SPEN: variants seen among roughly 807,000 people sequenced by gnomAD.
SPEN encodes spen family transcriptional repressor, also known as msx2-interacting protein.
Under a neutral mutation model 269.9 loss-of-function variants are expected in SPEN, and 18 were observed. The ratio of observed to expected loss-of-function variants is 0.07; its 90% CI spans 0.05 to 0.10. SPEN has a LOEUF of 0.10. SPEN is among the 10% of genes least tolerant of loss of function. SPEN has a pLI of 1.00. For missense variants in SPEN, 3,822 were observed against 4,631.2 expected, an observed-to-expected ratio of 0.83 and a Z score of 5.07; for synonymous variants, 1,726 against 1,765.7, an observed-to-expected ratio of 0.98 and a Z score of 0.56.
At chr1:15,938,980 T>C (rs2071308592) in intron 14 of SPEN, 104 bp downstream of exon 14, 1 of 1,432,508 alleles carries the variant, frequency 7.0e-7, no homozygotes, top group Non-Finnish European at 9.4e-7. Flanking sequence ...GCCCCAGAGG[T>C]GGGCAAAGGG....
chr1:15,905,378 C>T (rs1002408976), intron 3 of SPEN, among the ~76,000 whole-genome samples: 1 of 145,706 alleles, frequency 6.9e-6, no homozygotes, highest in Non-Finnish European at 1.5e-5. Flanking sequence ...TGAGCTGCCA[C>T]GCCCAGCTAA....
intron 3 of SPEN, among the ~76,000 whole-genome samples, chr1:15,891,806 A>T (rs1438550877): frequency 6.6e-6 from 1 of 151,924 alleles, no homozygotes. Flanking sequence ...AAAAACCATT[A>T]AGAAAAACTA....
rs2071306344 is a variant in SPEN at position 15,938,819 on chromosome 1, C to T, written c.10806C>T (p.Tyr3602=). ...TESLKAAFIT[Y]LQAKQAAGII... is the part of the protein sequence containing the mutation. ...CCCTCAAGGCTGCCTTCATCACTTA[C>T]CTGCAGGCCAAGCAGGCGGCAGGGA... is the stretch of plus-strand genomic sequence containing the variant. The change falls in exon 14 of 15, where the codon TAC becomes TAT. Residue 3602 remains tyrosine (Y), a synonymous_variant. Coordinates refer to ENST00000375759, the MANE Select transcript of SPEN (RefSeq NM_015001.3). The T allele has an allele frequency of 3.7e-6, 6 of 1,614,126 alleles. No individual in the cohort carries two copies. Among genetic ancestry groups the T allele is most frequent in the Middle Eastern group, 3.3e-4 (2 of 6,062 alleles).
At chr1:15,938,028 G>T in intron 13 of SPEN, 22 bp downstream of exon 13, 1 of 1,577,240 alleles carries the variant, frequency 6.3e-7, no homozygotes, top group South Asian at 1.2e-5. Context: ...AGGCCCAGGT[G>T]AGCAACTGCC....
chr1:15,920,722 G>A, intron 8 of SPEN, 148 bp from the exon 9 acceptor site: 1 of 367,732 alleles, frequency 2.7e-6, no homozygotes. Flanking sequence ...TCACTACAGT[G>A]TGCATCACAC....
At chr1:15,896,944 GA>G (rs1171957976) in intron 3 of SPEN, among the ~76,000 whole-genome samples, 1 of 152,138 alleles carries the variant, frequency 6.6e-6, no homozygotes, top group Non-Finnish European at 1.5e-5. Context: ...CTCCAGCCTG[GA>G]TGACAGAGCG....
chr1:15,896,720 AGTT>A (rs1418929435), intron 3 of SPEN, among the ~76,000 whole-genome samples: 1 of 152,192 alleles, frequency 6.6e-6, no homozygotes, highest in African/African-American at 2.4e-5. Flanking sequence ...AAGTGTTATT[AGTT>A]GTTTATATCA....
intron 4 of SPEN, 51 bp from the exon 5 acceptor site, chr1:15,911,050 G>A (rs1304252706): frequency 2.1e-6 from 3 of 1,455,330 alleles, no homozygotes; most frequent in Non-Finnish European, 2.8e-6. Flanking sequence ...TGCTTATTTA[G>A]TTATAATTAA....
At chr1:15,871,395 C>T (rs1569986356) in intron 1 of SPEN, among the ~76,000 whole-genome samples, 2 of 152,282 alleles carry the variant, frequency 1.3e-5, no homozygotes, top group East Asian at 3.9e-4. Flanking sequence ...GGCTGGAGTG[C>T]AGTGGCACGA....
chr1:15,937,228 G>T lies in SPEN; in HGVS notation c.10092G>T (p.Gln3364His), dbSNP rs998961195. The change falls in exon 12 of 15, where the codon CAG becomes CAT. Residue 3364 changes from glutamine to histidine, a missense_variant. Gln to His is a conservative substitution (Grantham distance 24). Transcript: ENST00000375759. The surrounding 1 kb of genome is among the most constrained non-coding windows in gnomAD (Gnocchi z 5.7). ...CTGTGCAGTCCACACAGCCTGCCCA[G>T]CCTGCACCACCCTGCCCGCCCTCCC... is the stretch of plus-strand genomic sequence containing the variant. Reference protein sequence around the residue: ...PQPVQSTQPAQPAPPCPPSQL... With the variant: ...PQPVQSTQPAHPAPPCPPSQL... 26 of 1,613,592 alleles carry T rather than the reference G, an allele frequency of 1.6e-5. No homozygotes were observed. Among genetic ancestry groups the T allele is most frequent in the Non-Finnish European group, 2.0e-5 (24 of 1,179,998 alleles).
At chr1:15,914,992 A>C (rs1287872814) in intron 5 of SPEN, among the ~76,000 whole-genome samples, 1 of 152,188 alleles carries the variant, frequency 6.6e-6, no homozygotes, top group Non-Finnish European at 1.5e-5. Flanking sequence ...TGTTAGTATG[A>C]GAGGGGCGAA....
In SPEN at chr1:15,931,604, C is replaced by A. The variant is rs368139168; in HGVS notation, c.5364C>A (p.Asn1788Lys). Residue 1788 changes from asparagine (N) to lysine (K), a missense_variant, in exon 11 of 15, where the codon AAC (asparagine) becomes AAA (lysine). Coordinates refer to ENST00000375759, the MANE Select transcript of SPEN (RefSeq NM_015001.3). This position sits in a 1 kb window ranked among gnomAD's most constrained non-coding sequence, Gnocchi z 4.8. ...DATADAEPDA[N>K]QKAEAAPESQ... is the part of the protein sequence containing the mutation. Reference sequence around the variant, plus strand: ...CTGCAGATGCTGAGCCTGATGCAAACCAGAAAGCCGAAGCTGCTCCTGAGT... The same window carrying A: ...CTGCAGATGCTGAGCCTGATGCAAAACAGAAAGCCGAAGCTGCTCCTGAGT... The A allele has an allele frequency of 3.0e-5, 49 of 1,613,972 alleles. No homozygotes were observed. Among genetic ancestry groups the A allele is most frequent in the Middle Eastern group, 3.3e-4 (2 of 6,082 alleles).
intron 3 of SPEN, among the ~76,000 whole-genome samples, chr1:15,904,477 A>AAAAAAAAAAAAAAAAAAAG (rs1557750214): frequency 7.2e-6 from 1 of 137,944 alleles, no homozygotes; most frequent in African/African-American, 2.6e-5. Context: ...AAAAAAAAAA[A>AAAAAAAAAAAAAAAAAAAG]GTGAACTAAA....
intron 1 of SPEN, among the ~76,000 whole-genome samples, chr1:15,852,369 C>T (rs935436402): frequency 6.6e-6 from 1 of 151,886 alleles, no homozygotes; most frequent in Non-Finnish European, 1.5e-5. Context: ...TAGGCTTTTG[C>T]ACATTTTAAA....
At chr1:15,895,142 G>C (rs112205279) in intron 3 of SPEN, among the ~76,000 whole-genome samples, 2 of 152,044 alleles carry the variant, frequency 1.3e-5, no homozygotes, top group African/African-American at 4.8e-5. Context: ...GGCTGATCTC[G>C]AGCTCCCGAC....
intron 1 of SPEN, among the ~76,000 whole-genome samples, chr1:15,858,900 C>G (rs967256430): frequency 6.6e-6 from 1 of 152,146 alleles, no homozygotes. Flanking sequence ...GCCGATACTG[C>G]GCTGCCGCAC....
At chr1:15,860,365 A>G (rs567695370) in intron 1 of SPEN, among the ~76,000 whole-genome samples, 12 of 143,296 alleles carry the variant, frequency 8.4e-5, no homozygotes, top group African/African-American at 3.2e-4. Context: ...TCAGCCTCCC[A>G]AGTAGCTTCA....
rs1365214882 is a variant in SPEN, at chr1:15,933,713, CCAG to C, written c.7474_7476del (p.Gln2492del). 12 of 1,614,028 alleles carry C rather than the reference CCAG, an allele frequency of 7.4e-6. No homozygotes were observed. Among genetic ancestry groups the C allele is most frequent in the African/African-American group, 1.3e-5 (1 of 74,928 alleles). On this transcript the variant is annotated inframe_deletion, in exon 11 of 15. Transcript: ENST00000375759. The surrounding 1 kb of genome is among the most constrained non-coding windows in gnomAD (Gnocchi z 5.7). ...CTGTCGCCTCTGGGGGGATCCCACA[CCAG>C]AGCCCCCCTACTAAGGTGACAGAGT...
rs779371938 is a variant in SPEN at position 15,930,157 on chromosome 1, C to T, written c.3917C>T (p.Ser1306Phe). The change falls in exon 11 of 15, where the codon TCT becomes TTT. Residue 1306 changes from serine to phenylalanine, a missense_variant. Around this residue, in one of 16 missense-constraint regions of SPEN, gnomAD observed 267 missense variants for 315.5 expected, o/e 0.85. Coordinates refer to ENST00000375759, the MANE Select transcript of SPEN (RefSeq NM_015001.3). The surrounding 1 kb of genome is among the most constrained non-coding windows in gnomAD (Gnocchi z 5.3). ...TCTAACATAACAGTCAGGGAAGAGT[C>T]TTTAAAATTTAATCCTTATGATTCT... ...PYSNITVREE[S>F]LKFNPYDSSR... is the part of the protein sequence containing the mutation. 1.2e-6 allele frequency: 2 copies of T among 1,614,146 alleles called. No individual in the cohort carries two copies. The highest frequency in any genetic ancestry group is 1.7e-6 in the Non-Finnish European group (2 of 1,180,026).
Sources: gnomAD v4.1 joint callset for allele counts (sites outside exome capture counted in the v4.1 genomes callset) on GRCh38, gnomAD v4.1.1 for gene constraint, gnomAD v4.1.1 regional missense constraint, Gnocchi (gnomAD v3.1) non-coding constraint, MANE v1.5 for transcripts, NCBI Gene and HGNC (gene_info 2026-07-23, HGNC 2026-07-21) for gene names.